TTN: variants seen among roughly 807,000 people sequenced by gnomAD.
The protein encoded by TTN is titin, also known as connectin.
A neutral mutation model predicts 3,223.0 loss-of-function variants in TTN; 1,525 were observed. The ratio of observed to expected loss-of-function variants is 0.47; its 90% CI spans 0.45 to 0.49. The LOEUF (loss-of-function observed/expected upper bound fraction) is 0.49. Among genes scored for constraint, TTN ranks in the 20% least tolerant of loss-of-function variants. TTN has a pLI of 0.00. For missense variants in TTN, 40,786 were observed against 43,424.0 expected (o/e 0.94, Z 5.40); for synonymous variants, 14,094 against 15,161.0 (o/e 0.93, Z 5.17).
Position 178,790,700 on chromosome 2 carries a change from G to A in TTN, c.1800+8C>T. On this transcript the variant is annotated splice_region_variant and intron_variant, in intron 11 of 362. Coordinates refer to ENST00000589042, the MANE Select transcript of TTN (RefSeq NM_001267550.2). ...AGAGTGACTTTCACATTGGCAGGAA[G>A]TCATCACCTTTTCATAACTTAGGTG... 1 of 1,614,086 alleles carries A rather than the reference G, an allele frequency of 6.2e-7. No homozygotes were observed. Among genetic ancestry groups the A allele is most frequent in the East Asian group, 2.2e-5 (1 of 44,880 alleles).
At chr2:178,550,358 CA>C in intron 336 of TTN, 85 bp from the exon 337 acceptor site, 1 of 1,151,196 alleles carries the variant, frequency 8.7e-7, no homozygotes, top group Non-Finnish European at 1.2e-6. Flanking sequence ...TGCCATATCA[CA>C]AGGCCAGGAA....
At position 178,740,940 on chromosome 2, in the gene TTN, G is replaced by A; in HGVS notation, c.12293C>T (p.Ala4098Val). The change falls in exon 48 of 363, where the codon GCT becomes GTT. Residue 4098 changes from alanine (A) to valine (V), a missense_variant. Physicochemically the swap from Ala to Val is moderately conservative, Grantham distance 64. Coordinates refer to ENST00000589042, the MANE Select transcript of TTN (RefSeq NM_001267550.2). ...ENQQLSYEHI[A>V]KANELSSQLP... ...CTGACTGCTCAATTCATTGGCTTTA[G>A]CAATATGCTCATAAGATAGTTGCTG... is the stretch of plus-strand genomic sequence containing the variant. 1.2e-6 allele frequency: 2 copies of A among 1,613,880 alleles called. No homozygotes were observed. The highest frequency in any genetic ancestry group is 8.5e-7 in the Non-Finnish European group (1 of 1,179,842).
At chr2:178,664,126 C>A in intron 168 of TTN, 28 bp from the exon 169 acceptor site, 1 of 1,564,418 alleles carries the variant, frequency 6.4e-7, no homozygotes, top group Non-Finnish European at 8.7e-7. Flanking sequence ...TTTTTACACT[C>A]AGAAAATACA....
At position 178,669,521 on chromosome 2, in the gene TTN, A is replaced by C. The variant is rs973552797; in HGVS notation, c.35470+71T>G. ...ACGAAATACAAGGATTTAATGTCACACACATTCACTTTAAACCATGAAAAA... is the reference window on the plus strand; with the variant it reads ...ACGAAATACAAGGATTTAATGTCACCCACATTCACTTTAAACCATGAAAAA... On this transcript the variant is annotated intron_variant, in intron 158 of 362. Coordinates refer to ENST00000589042, the MANE Select transcript of TTN (RefSeq NM_001267550.2). 5.0e-6 allele frequency: 8 copies of C among 1,592,750 alleles called. No homozygotes were observed. The African/African-American group carries it at 1.1e-4, about 21-fold the overall frequency.
rs769789570 is a variant in TTN, at chr2:178,781,225, T to A, written c.3419A>T (p.Lys1140Met). The change falls in exon 21 of 363, where the codon AAG (lysine) becomes ATG (methionine). Residue 1140 changes from lysine to methionine, a missense_variant. Transcript: ENST00000589042. The part of the protein sequence containing the change: ...VSYNKQTGEC[K>M]LVISMTFADD... ...AGCAAAAGTCATAGAAATCACCAGCTTGCATTCACCGGTTTGTTTGTTGTA... is the reference window on the plus strand; with the variant it reads ...AGCAAAAGTCATAGAAATCACCAGCATGCATTCACCGGTTTGTTTGTTGTA... 9.9e-6 allele frequency: 16 copies of A among 1,613,962 alleles called. No homozygotes were observed. Among genetic ancestry groups the A allele is most frequent in the Non-Finnish European group, 1.3e-5 (15 of 1,179,976 alleles).
intron 92 of TTN, 42 bp from the exon 93 acceptor site, chr2:178,713,414 A>G: frequency 1.4e-6 from 2 of 1,464,222 alleles, no homozygotes; most frequent in Non-Finnish European, 1.8e-6. Flanking sequence ...AAAACAAAAA[A>G]AACAAAGGAC....
At chr2:178,778,286 T>C in intron 24 of TTN, 1 of 344,508 alleles carries the variant, frequency 2.9e-6, no homozygotes, top group Non-Finnish European at 5.4e-6. Context: ...ACTAGACTTT[T>C]TTGATTTAAC....
rs956060755 is a variant in TTN at position 178,562,221 on chromosome 2, T to A, written c.83911A>T (p.Thr27971Ser). 1.2e-5 allele frequency: 20 copies of A among 1,612,702 alleles called. No homozygotes were observed. The highest frequency in any genetic ancestry group is 1.7e-5 in the Non-Finnish European group (20 of 1,179,386). The change falls in exon 326 of 363, where the codon ACT becomes TCT. Residue 27971 changes from threonine (T) to serine (S), a missense_variant. Thr to Ser is a moderately conservative substitution (Grantham distance 58). Coordinates refer to ENST00000589042, the MANE Select transcript of TTN (RefSeq NM_001267550.2). ...IKPSVELPFH[T>S]FNVKAREQLK... ...TGTTCTCTAGCCTTTACATTGAAAG[T>A]ATGGAAAGGAAGCTCAACTGAAGGC...
rs2154173590 is a variant in TTN at position 178,577,194 on chromosome 2, A to G, written c.69141T>C (p.Val23047=). Residue 23047 remains valine, a synonymous_variant, in exon 324 of 363, where the codon GTT becomes GTC. Coordinates refer to ENST00000589042, the MANE Select transcript of TTN (RefSeq NM_001267550.2). ...TTTCAGCAGAAACATTACTGATTTC[A>G]ACAGGACCTGGGGGACCAGGTACAT... ...VLDVPGPPGP[V]EISNVSAEKA... 3 of 1,613,004 alleles carry G rather than the reference A, an allele frequency of 1.9e-6. No homozygotes were observed. Among genetic ancestry groups the G allele is most frequent in the Middle Eastern group, 1.7e-4 (1 of 6,050 alleles).
At position 178,578,662 on chromosome 2, in the gene TTN, C is replaced by G; in HGVS notation, c.68278G>C (p.Val22760Leu). The G allele has an allele frequency of 6.2e-7, 1 of 1,612,132 alleles. No individual in the cohort carries two copies. The highest frequency in any genetic ancestry group is 8.5e-7 in the Non-Finnish European group (1 of 1,179,104). ...TTGGGGTCAGTCCAAGTTAGAGATA[C>G]TGAATCGTGTCTGACATCCACAATA... ...PNIVDVRHDS[V>L]SLTWTDPKKT... is the part of the protein sequence containing the mutation. The change falls in exon 321 of 363, where the codon GTA (valine) becomes CTA (leucine). Residue 22760 changes from valine to leucine, a missense_variant. Transcript: ENST00000589042.
chr2:178,718,298 A>G, intron 85 of TTN, 24 bp downstream of exon 85: 4 of 1,604,688 alleles, frequency 2.5e-6, no homozygotes, highest in Non-Finnish European at 3.4e-6. Context: ...AGAGAGCAAT[A>G]AAAAGAGGTA....
chr2:178,757,766 T>G lies in TTN; in HGVS notation c.10454A>C (p.His3485Pro). Residue 3485 changes from histidine (H) to proline (P), a missense_variant, in exon 45 of 363, where the codon CAT becomes CCT. Transcript: ENST00000589042. ...RVHNGETVRFHARVSGIPKPE... is the reference protein window; with the variant it reads ...RVHNGETVRFPARVSGIPKPE... ...CTTGGGAATGCCAGAAACCCTCGCA[T>G]GAAATCTGACTGTCTCCCCGTTGTG... 4 of 1,613,844 alleles carry G rather than the reference T, an allele frequency of 2.5e-6. No individual in the cohort carries two copies. Among genetic ancestry groups the G allele is most frequent in the Non-Finnish European group, 3.4e-6 (4 of 1,179,774 alleles).
At chr2:178,694,548 C>A in intron 117 of TTN, 51 bp downstream of exon 117, 1 of 1,387,486 alleles carries the variant, frequency 7.2e-7, no homozygotes, top group Non-Finnish European at 9.9e-7. Flanking sequence ...CATGTCCATA[C>A]ACATAAATAA....
At chr2:178,628,930 G>A (rs181821099) in intron 240 of TTN, among the ~76,000 whole-genome samples, 4 of 152,074 alleles carry the variant, frequency 2.6e-5, no homozygotes, top group Non-Finnish European at 5.9e-5. Flanking sequence ...GATGGAGAGC[G>A]TTAGTCTTAA....
intron 118 of TTN, 78 bp downstream of exon 118, chr2:178,693,844 C>A: frequency 7.4e-7 from 1 of 1,342,860 alleles, no homozygotes; most frequent in Non-Finnish European, 1.0e-6. Flanking sequence ...TACACGATCA[C>A]AAATTAGACA....
At chr2:178,713,709 G>T in intron 92 of TTN, 188 bp downstream of exon 92, 1 of 858,566 alleles carries the variant, frequency 1.2e-6, no homozygotes, top group Non-Finnish European at 1.7e-6. Flanking sequence ...TCCTCAAAAA[G>T]AAAGGGATAT....
rs773200867 is a variant in TTN, at chr2:178,567,917, C to T, written c.78215G>A (p.Gly26072Asp). Residue 26072 changes from glycine to aspartate, a missense_variant, in exon 326 of 363, where the codon GGT (glycine) becomes GAT (aspartate). Physicochemically the swap from Gly to Asp is moderately conservative, Grantham distance 94 (BLOSUM62 -1). Transcript: ENST00000589042. ...EFRVYAENIV[G>D]VGKASKNSEC... ...AGAATTCTTGCTTGCTTTGCCTACACCAACAATATTTTCAGCATACACTCT... is the reference window on the plus strand; with the variant it reads ...AGAATTCTTGCTTGCTTTGCCTACATCAACAATATTTTCAGCATACACTCT... 1 of 1,613,544 alleles carries T rather than the reference C, an allele frequency of 6.2e-7. No individual in the cohort carries two copies. Among genetic ancestry groups the T allele is most frequent in the Admixed American group, 1.7e-5 (1 of 59,982 alleles).
At chr2:178,615,162 T>A in intron 259 of TTN, 145 bp downstream of exon 259, 1 of 1,082,854 alleles carries the variant, frequency 9.2e-7, no homozygotes, top group Non-Finnish European at 1.3e-6. Context: ...GGCAGTACAT[T>A]CAGCAGCACC....
chr2:178,529,643 GT>G (rs1688173841), intron 359 of TTN, among the ~76,000 whole-genome samples: 1 of 152,140 alleles, frequency 6.6e-6, no homozygotes, highest in Admixed American at 6.5e-5. Flanking sequence ...AACTGTGAAG[GT>G]TTAGGCAAGT....
Sources: gnomAD v4.1 joint callset for allele counts (sites outside exome capture counted in the v4.1 genomes callset) on GRCh38, gnomAD v4.1.1 for gene constraint, MANE v1.5 for transcripts, NCBI Gene and HGNC (gene_info 2026-07-23, HGNC 2026-07-21) for gene names.